Variants in AFDN observed in about 807,000 individuals in gnomAD.
The protein encoded by AFDN is afadin, adherens junction formation factor.
Under a neutral mutation model 216.6 loss-of-function variants are expected in AFDN, and 68 were observed. The ratio of observed to expected loss-of-function variants is 0.31; its 90% CI spans 0.26 to 0.38. The LOEUF (loss-of-function observed/expected upper bound fraction) is 0.38. AFDN is among the 10% of genes least tolerant of loss of function. AFDN has a pLI of 1.00. For synonymous variants in AFDN, 868 were observed against 853.7 expected (o/e 1.02, Z -0.29); for missense variants, 2,136 against 2,342.0 (o/e 0.91, Z 1.82).
chr6:167,942,374 A>G (rs1794799813), intron 23 of AFDN, among the ~76,000 whole-genome samples: 1 of 152,218 alleles, frequency 6.6e-6, no homozygotes, highest in African/African-American at 2.4e-5. Flanking sequence ...GACCTAAGGA[A>G]TTATGCTCAG....
intron 8 of AFDN, among the ~76,000 whole-genome samples, chr6:167,892,938 G>A (rs879500708): frequency 1.3e-5 from 2 of 152,152 alleles, no homozygotes; most frequent in Non-Finnish European, 2.9e-5. Flanking sequence ...CCTTCAGTCA[G>A]CATTCACTGA....
intron 13 of AFDN, 66 bp from the exon 14 acceptor site, chr6:167,911,035 C>A: frequency 7.6e-7 from 1 of 1,323,000 alleles, no homozygotes; most frequent in Non-Finnish European, 1.1e-6. Flanking sequence ...GAAATCTACA[C>A]AGGTTGTCAG....
intron 23 of AFDN, among the ~76,000 whole-genome samples, chr6:167,927,219 G>A (rs1250784990): frequency 1.3e-5 from 2 of 152,246 alleles, no homozygotes; most frequent in East Asian, 3.9e-4. Context: ...CATCTTGGGA[G>A]AGGTGGAGTT....
chr6:167,830,916 C>A (rs1166362184), intron 1 of AFDN, among the ~76,000 whole-genome samples: 1 of 140,016 alleles, frequency 7.1e-6, no homozygotes, highest in African/African-American at 2.7e-5. Flanking sequence ...TATCATACAA[C>A]TGAACTATAT....
chr6:167,964,143 C>G (rs995505528), intron 31 of AFDN: 78 of 1,063,364 alleles, frequency 7.3e-5, no homozygotes, highest in Non-Finnish European at 8.5e-5. Context: ...TTGAAATACA[C>G]TTGTGTTAGT....
At chr6:167,940,283 G>A (rs1218227007) in intron 23 of AFDN, among the ~76,000 whole-genome samples, 2 of 143,360 alleles carry the variant, frequency 1.4e-5, no homozygotes, top group African/African-American at 5.2e-5. Context: ...GTAGGGGTGA[G>A]GGTGGAAGCC....
chr6:167,830,250 G>C (rs531079635), intron 1 of AFDN, among the ~76,000 whole-genome samples: 1 of 152,282 alleles, frequency 6.6e-6, no homozygotes, highest in Non-Finnish European at 1.5e-5. Context: ...GGCTTCTCTG[G>C]TTATCCAAAG....
At chr6:167,834,135 CAA>C (rs1280605566) in intron 1 of AFDN, among the ~76,000 whole-genome samples, 1 of 151,856 alleles carries the variant, frequency 6.6e-6, no homozygotes, top group African/African-American at 2.4e-5. Context: ...TTTTGGGGAA[CAA>C]GAGGTATATG....
At chr6:167,930,911 T>C (rs904212928) in intron 23 of AFDN, among the ~76,000 whole-genome samples, 7 of 152,140 alleles carry the variant, frequency 4.6e-5, no homozygotes, top group Non-Finnish European at 8.8e-5. Context: ...CTCTGGAACA[T>C]GGATTAGAGA....
chr6:167,851,454 A>G (rs568433918), intron 1 of AFDN, among the ~76,000 whole-genome samples: 88 of 152,290 alleles, frequency 5.8e-4, no homozygotes, highest in Admixed American at 1.4e-3. Context: ...AGTGGGTCCC[A>G]ATGTGTTGTT....
At chr6:167,847,808 C>T (rs1485218639) in intron 1 of AFDN, among the ~76,000 whole-genome samples, 1 of 152,182 alleles carries the variant, frequency 6.6e-6, no homozygotes, top group Non-Finnish European at 1.5e-5. Flanking sequence ...CCTACACAGA[C>T]ATACACTTCT....
intron 23 of AFDN, among the ~76,000 whole-genome samples, chr6:167,935,236 T>C (rs939651707): frequency 6.6e-6 from 1 of 152,180 alleles, no homozygotes; most frequent in Non-Finnish European, 1.5e-5. Flanking sequence ...ATTTTAAGAT[T>C]AAAATGTTAA....
intron 1 of AFDN, among the ~76,000 whole-genome samples, chr6:167,847,066 G>A (rs1412221917): frequency 6.6e-6 from 1 of 152,144 alleles, no homozygotes; most frequent in Admixed American, 6.5e-5. Context: ...TTTACCGTAA[G>A]TGGGAGCAGC....
Position 167,965,824 on chromosome 6 carries a change from C to G in AFDN, c.5036C>G (p.Ala1679Gly), listed in dbSNP as rs374542165. ...AERRRQHDEA[A>G]RRLLEPEAPG... ...AGGCGCAGACAGCACGACGAGGCGG[C>G]GCGCAGGTTGCTGGAGCCCGAGGCG... Residue 1679 changes from alanine (A) to glycine (G), a missense_variant, in exon 32 of 34, where the codon GCG becomes GGG. By Grantham distance (60) the Ala-to-Gly change is moderately conservative. Coordinates refer to ENST00000683244, the MANE Select transcript of AFDN (RefSeq NM_001386888.1). 6.4e-7 allele frequency: 1 copy of G among 1,559,562 alleles called. No individual in the cohort carries two copies. The highest frequency in any genetic ancestry group is 2.4e-5 in the East Asian group (1 of 41,842).
Position 167,962,987 on chromosome 6 carries a change from A to G in AFDN, c.4968+420A>G. The G allele has an allele frequency of 9.2e-6, 10 of 1,089,178 alleles. No homozygotes were observed. Among genetic ancestry groups the G allele is most frequent in the South Asian group, 4.2e-5 (1 of 23,718 alleles). 67.5% of individuals were successfully genotyped at this position (1,089,178 alleles called of 1,614,324 possible). A position where few individuals can be genotyped will look rare whatever the true frequency, so the allele number is the denominator to read the frequency against. ...TAGTAAGACAGTTGGCTGCCATTCA[A>G]CATTTCAAATAGATGGTTTACTCAA... On this transcript the variant is annotated intron_variant, in intron 31 of 33. Coordinates refer to ENST00000683244, the MANE Select transcript of AFDN (RefSeq NM_001386888.1). This position sits in a 1 kb window ranked among gnomAD's most constrained non-coding sequence, Gnocchi z 5.2.
intron 33 of AFDN, among the ~76,000 whole-genome samples, chr6:167,969,480 C>T (rs1271614743): frequency 6.6e-6 from 1 of 152,184 alleles, no homozygotes; most frequent in African/African-American, 2.4e-5. Context: ...TATTTTAAAA[C>T]TGTACCCCTC....
chr6:167,857,195 T>A (rs1782997771), intron 1 of AFDN, among the ~76,000 whole-genome samples: 1 of 151,766 alleles, frequency 6.6e-6, no homozygotes, highest in Non-Finnish European at 1.5e-5. Context: ...GTGTTGTCAT[T>A]TCCTGTGAAA....
rs929247352 is a variant in AFDN at position 167,966,195 on chromosome 6, A to G, written c.5257+150A>G. 7.2e-6 allele frequency: 11 copies of G among 1,534,218 alleles called. No homozygotes were observed. In the African/African-American group the frequency reaches 9.6e-5, roughly 13 times the overall value. On this transcript the variant is annotated intron_variant, in intron 32 of 33. Transcript: ENST00000683244. ...CCAGCCACCCTCAGCCAAAGCCAAC[A>G]GTACTGCTCACAAAAAAGGCCAGCC... is the stretch of plus-strand genomic sequence containing the variant.
intron 21 of AFDN, among the ~76,000 whole-genome samples, chr6:167,921,883 C>T (rs991160273): frequency 2.0e-5 from 3 of 151,128 alleles, no homozygotes; most frequent in Non-Finnish European, 3.0e-5. Context: ...CCTTTTTTGC[C>T]TACCATAAAT....
Sources: allele counts gnomAD v4.1 joint callset (sites outside exome capture counted in the v4.1 genomes callset), GRCh38; gene constraint gnomAD v4.1.1; non-coding constraint Gnocchi (gnomAD v3.1); transcripts MANE v1.5; gene names NCBI Gene and HGNC (gene_info 2026-07-23, HGNC 2026-07-21).